Variants in CERKL observed in about 807,000 individuals in gnomAD.
CERKL encodes CERK like autophagy regulator, also known as ceramide kinase-like protein.
Under a neutral mutation model 63.4 loss-of-function variants are expected in CERKL, and 61 were observed. The observed-to-expected ratio is 0.96, with a 90% CI of 0.78 to 1.19. CERKL has a LOEUF of 1.19. Ranked by LOEUF, CERKL falls within the 50% of genes most tolerant of loss-of-function variation. The pLI, the probability that CERKL is intolerant of heterozygous loss-of-function variation, is 0.00. For missense variants in CERKL, 675 were observed against 655.5 expected (o/e 1.03, Z -0.33); for synonymous variants, 250 against 230.5 (o/e 1.08, Z -0.77).
chr2:181,566,249 T>C, intron 3 of CERKL, 128 bp from the exon 4 acceptor site: 2 of 735,222 alleles, frequency 2.7e-6, no homozygotes, highest in Admixed American at 4.1e-5. Flanking sequence ...TATTCTTGAA[T>C]ATTTATATTT....
At chr2:181,609,951 A>G (rs1685894778) in intron 1 of CERKL, among the ~76,000 whole-genome samples, 1 of 152,262 alleles carries the variant, frequency 6.6e-6, no homozygotes, top group South Asian at 2.1e-4. Flanking sequence ...ATATACACCA[A>G]TATTTGTATA....
chr2:181,555,700 C>T (rs1688171982), intron 5 of CERKL, among the ~76,000 whole-genome samples: 1 of 146,794 alleles, frequency 6.8e-6, no homozygotes, highest in Admixed American at 6.8e-5. Context: ...TAATGTGTGA[C>T]TTTTTAAAAG....
chr2:181,615,084 C>T (rs1486757916), intron 1 of CERKL, among the ~76,000 whole-genome samples: 2 of 152,180 alleles, frequency 1.3e-5, no homozygotes, highest in Non-Finnish European at 2.9e-5. Context: ...TACAGAGATA[C>T]TGGGGACCAT....
chr2:181,643,449 G>A (rs1033808811), intron 1 of CERKL, among the ~76,000 whole-genome samples: 2 of 152,194 alleles, frequency 1.3e-5, no homozygotes, highest in African/African-American at 4.8e-5. Flanking sequence ...AAAAGATCCT[G>A]TAGTGCTTTT....
intron 1 of CERKL, among the ~76,000 whole-genome samples, chr2:181,610,857 C>T (rs534622278): frequency 2.0e-5 from 3 of 152,108 alleles, no homozygotes; most frequent in African/African-American, 7.2e-5. Context: ...TTAAAATATA[C>T]CTGGTTTTGA....
At chr2:181,629,265 AAAT>A (rs1366994312) in intron 1 of CERKL, among the ~76,000 whole-genome samples, 1 of 152,192 alleles carries the variant, frequency 6.6e-6, no homozygotes, top group East Asian at 1.9e-4. Context: ...AACAGCAGAA[AAAT>A]AATATTGGTG....
intron 2 of CERKL, among the ~76,000 whole-genome samples, chr2:181,594,762 A>G (rs1685131236): frequency 6.6e-6 from 1 of 152,216 alleles, no homozygotes; most frequent in African/African-American, 2.4e-5. Flanking sequence ...CAAGGAGAAA[A>G]AAATGGTTGA....
chr2:181,565,699 A>G (rs556691787), intron 4 of CERKL, among the ~76,000 whole-genome samples: 3 of 152,296 alleles, frequency 2.0e-5, no homozygotes, highest in African/African-American at 7.2e-5. Context: ...AGATCATCAT[A>G]TAGTTATGCC....
rs1358313120 is a variant in CERKL at position 181,536,715 on chromosome 2, A to ATGAGGTTCT, written c.*1460_*1468dup. ...TATTTTTATAGTTTGTTCATACTAT[A>ATGAGGTTCT]TGAGGTTCTATTTTAAATGACTTTC... is the stretch of plus-strand genomic sequence containing the variant. On this transcript the variant is annotated 3_prime_UTR_variant, in exon 13 of 13. Coordinates refer to ENST00000410087, the MANE Select transcript of CERKL (RefSeq NM_201548.5). The ATGAGGTTCT allele has an allele frequency of 4.2e-6, 1 of 237,264 alleles. No individual in the cohort carries two copies. Among genetic ancestry groups the ATGAGGTTCT allele is most frequent in the Non-Finnish European group, 8.5e-6 (1 of 117,802 alleles). The allele number at this position is 237,264 out of a possible 1,614,324, so 14.7% of individuals were successfully genotyped here.
intron 4 of CERKL, chr2:181,565,426 CACTTGCCTTGGTTCT>C (rs749600681): frequency 1.2e-6 from 2 of 1,604,718 alleles, no homozygotes; most frequent in South Asian, 2.2e-5. Context: ...AAATTTATAT[CACTTGCCTTGGTTCT>C]AACGTTTGCA....
At chr2:181,571,168 G>T (rs1474952582) in intron 3 of CERKL, among the ~76,000 whole-genome samples, 3 of 152,036 alleles carry the variant, frequency 2.0e-5, no homozygotes, top group Non-Finnish European at 4.4e-5. Flanking sequence ...GTTTATTCAA[G>T]AAATATTTTT....
At chr2:181,601,209 T>C (rs1359815771) in intron 2 of CERKL, among the ~76,000 whole-genome samples, 2 of 152,160 alleles carry the variant, frequency 1.3e-5, no homozygotes, top group Admixed American at 1.3e-4. Context: ...CAGAACTACA[T>C]GGACCTGCAA....
At chr2:181,567,412 T>G (rs1440737127) in intron 3 of CERKL, among the ~76,000 whole-genome samples, 1 of 152,124 alleles carries the variant, frequency 6.6e-6, no homozygotes, top group Non-Finnish European at 1.5e-5. Flanking sequence ...CTTACATTGG[T>G]AAAGTTTTTC....
At chr2:181,562,410 T>C (rs191181737) in intron 4 of CERKL, among the ~76,000 whole-genome samples, 1 of 152,320 alleles carries the variant, frequency 6.6e-6, no homozygotes, top group East Asian at 1.9e-4. Context: ...GGGGTTATCA[T>C]AGGCCATGAG....
intron 5 of CERKL, among the ~76,000 whole-genome samples, chr2:181,558,000 T>G (rs1210725932): frequency 1.3e-5 from 2 of 152,190 alleles, no homozygotes; most frequent in African/African-American, 4.8e-5. Flanking sequence ...GCATAGTCTA[T>G]TCTAGATGCT....
intron 3 of CERKL, among the ~76,000 whole-genome samples, chr2:181,571,958 T>C (rs1688920486): frequency 6.6e-6 from 1 of 152,152 alleles, no homozygotes. Flanking sequence ...TGGATATTAA[T>C]AAGAAAGGAT....
chr2:181,608,931 T>TA (rs111926060), intron 1 of CERKL, among the ~76,000 whole-genome samples: 32 of 152,058 alleles, frequency 2.1e-4, no homozygotes, highest in South Asian at 2.1e-3. Flanking sequence ...ATAATGGAGA[T>TA]AAAAAAAATT....
intron 1 of CERKL, among the ~76,000 whole-genome samples, chr2:181,606,291 GA>G (rs1685680546): frequency 1.1e-5 from 1 of 95,064 alleles, no homozygotes; most frequent in African/African-American, 4.2e-5. Flanking sequence ...GACAGGGAGG[GA>G]GGGGGAGGGG....
intron 1 of CERKL, among the ~76,000 whole-genome samples, chr2:181,642,762 T>C (rs1278551864): frequency 2.0e-5 from 3 of 152,334 alleles, no homozygotes; most frequent in Non-Finnish European, 2.9e-5. Context: ...TGAAACATAC[T>C]ATTTGAATGC....
Sources: allele counts gnomAD v4.1 joint callset (sites outside exome capture counted in the v4.1 genomes callset), GRCh38; gene constraint gnomAD v4.1.1; transcripts MANE v1.5; gene names NCBI Gene and HGNC (gene_info 2026-07-23, HGNC 2026-07-21).